The following SPON1 variants were observed in gnomAD, a reference collection of about 807,000 sequenced individuals.
SPON1 encodes the protein spondin-1.
A neutral mutation model predicts 111.7 loss-of-function variants in SPON1; 52 were observed. That is an observed-to-expected ratio of 0.47 (90% CI 0.37 to 0.59). The LOEUF is 0.59. Among genes scored for constraint, SPON1 ranks in the 20% least tolerant of loss-of-function variants. The pLI is 0.00. For missense variants in SPON1, 957 were observed against 1,068.5 expected, an observed-to-expected ratio of 0.90 and a Z score of 1.46; for synonymous variants, 410 against 395.8, an observed-to-expected ratio of 1.04 and a Z score of -0.43.
Position 14,230,595 on chromosome 11 carries a change from T to G in SPON1, c.826-12737T>G, listed in dbSNP as rs1298314213. 2.0e-5 allele frequency among the ~76,000 whole-genome samples: 3 copies of G among 152,212 alleles called. No individual in the cohort carries two copies. In the East Asian group the frequency reaches 5.8e-4, roughly 29 times the overall value. Reference sequence around the variant, plus strand: ...CCACCTTCCCAGCCGCTGCCTTGGCTTCAAGCCCATTGGGTCTAGAGGTCC... The same window carrying G: ...CCACCTTCCCAGCCGCTGCCTTGGCGTCAAGCCCATTGGGTCTAGAGGTCC... On this transcript the variant is annotated intron_variant, in intron 6 of 15. Coordinates refer to ENST00000576479, the MANE Select transcript of SPON1 (RefSeq NM_006108.4).
chr11:14,194,567 C>CACACA (rs150398912), intron 6 of SPON1, among the ~76,000 whole-genome samples: 1 of 139,306 alleles, frequency 7.2e-6, no homozygotes. Context: ...CACACACACA[C>CACACA]GGACTGCCTG....
At chr11:14,155,418 A>G (rs1847833469) in intron 6 of SPON1, among the ~76,000 whole-genome samples, 1 of 152,206 alleles carries the variant, frequency 6.6e-6, no homozygotes, top group South Asian at 2.1e-4. Context: ...CGGCAGGTGA[A>G]GGGGAAACTG....
intron 2 of SPON1, among the ~76,000 whole-genome samples, chr11:14,029,126 C>A (rs1591355770): frequency 2.6e-5 from 1 of 38,696 alleles, no homozygotes; most frequent in Admixed American, 2.0e-4. Flanking sequence ...GTGACCCCTA[C>A]ACACACACAC....
intron 6 of SPON1, among the ~76,000 whole-genome samples, chr11:14,178,903 T>C (rs1432129803): frequency 6.6e-6 from 1 of 152,228 alleles, no homozygotes; most frequent in Non-Finnish European, 1.5e-5. Flanking sequence ...ATTGAGACCG[T>C]GGCAGCCTGC....
At chr11:13,991,505 T>G (rs540246548) in intron 2 of SPON1, among the ~76,000 whole-genome samples, 5 of 152,342 alleles carry the variant, frequency 3.3e-5, no homozygotes, top group African/African-American at 1.2e-4. Context: ...TTAGCTTCCT[T>G]GCATTGGGTT....
chr11:14,118,615 G>C (rs1408502038), intron 5 of SPON1, among the ~76,000 whole-genome samples: 1 of 152,176 alleles, frequency 6.6e-6, no homozygotes, highest in African/African-American at 2.4e-5. Context: ...TGAAGTCTAT[G>C]AACACCAAGA....
At chr11:14,094,470 A>C (rs974564542) in intron 5 of SPON1, among the ~76,000 whole-genome samples, 3 of 152,124 alleles carry the variant, frequency 2.0e-5, no homozygotes, top group Non-Finnish European at 4.4e-5. Flanking sequence ...AATTTTAATT[A>C]AAATTTTATT....
chr11:14,025,076 G>T (rs1332132982), intron 2 of SPON1, among the ~76,000 whole-genome samples: 3 of 152,140 alleles, frequency 2.0e-5, no homozygotes, highest in Non-Finnish European at 2.9e-5. Flanking sequence ...GAGTTTTAAA[G>T]TAAGAGACTG....
chr11:14,140,621 C>T (rs1009756343), intron 6 of SPON1, among the ~76,000 whole-genome samples: 4 of 152,222 alleles, frequency 2.6e-5, no homozygotes, highest in Non-Finnish European at 4.4e-5. Flanking sequence ...TCTCGAAATC[C>T]TGACCTCAGG....
chr11:14,242,794 G>A (rs782735597), intron 6 of SPON1, among the ~76,000 whole-genome samples: 5 of 152,204 alleles, frequency 3.3e-5, no homozygotes, highest in African/African-American at 4.8e-5. Context: ...AGAACCTGAG[G>A]GGCACCACGG....
chr11:13,987,987 A>T lies in SPON1; in HGVS notation c.345+5034A>T, dbSNP rs191768978. Reference sequence around the variant, plus strand: ...GTATAGTTTGAAGTCAGGTAGCATGATGCCTCCAGCTTTGTTTTTCTTGCC... The same window carrying T: ...GTATAGTTTGAAGTCAGGTAGCATGTTGCCTCCAGCTTTGTTTTTCTTGCC... On this transcript the variant is annotated intron_variant, in intron 2 of 15. Coordinates refer to ENST00000576479, the MANE Select transcript of SPON1 (RefSeq NM_006108.4). Among the ~76,000 whole-genome samples, 9 of 152,304 alleles carry T rather than the reference A, an allele frequency of 5.9e-5. No homozygotes were observed. The East Asian group carries it at 1.7e-3, about 29-fold the overall frequency.
intron 6 of SPON1, among the ~76,000 whole-genome samples, chr11:14,221,506 A>G: frequency 6.6e-6 from 1 of 152,350 alleles, no homozygotes; most frequent in Non-Finnish European, 1.5e-5. Context: ...TTTTTAAAAC[A>G]TTATAATACA....
At position 14,156,576 on chromosome 11, in the gene SPON1, A is replaced by G. The variant is rs1242438771; in HGVS notation, c.825+21008A>G. 2.6e-5 allele frequency among the ~76,000 whole-genome samples: 4 copies of G among 151,804 alleles called. No individual in the cohort carries two copies. In the South Asian group the frequency reaches 8.4e-4, roughly 32 times the overall value. On this transcript the variant is annotated intron_variant, in intron 6 of 15. Coordinates refer to ENST00000576479, the MANE Select transcript of SPON1 (RefSeq NM_006108.4). Reference sequence around the variant, plus strand: ...AGACATGAAGTCCTTGCCCATGCCTATCTCCTGAATGGTATTGCCTAGGTT... The same window carrying G: ...AGACATGAAGTCCTTGCCCATGCCTGTCTCCTGAATGGTATTGCCTAGGTT...
At position 14,003,608 on chromosome 11, in the gene SPON1, GAC is replaced by G. The variant is rs572564235; in HGVS notation, c.345+20659_345+20660del. Among the ~76,000 whole-genome samples, 9 of 152,230 alleles carry G rather than the reference GAC, an allele frequency of 5.9e-5. No individual in the cohort carries two copies. In the South Asian group the frequency reaches 1.9e-3, roughly 32 times the overall value. On this transcript the variant is annotated intron_variant, in intron 2 of 15. Transcript: ENST00000576479. Reference sequence around the variant, plus strand: ...AAGGCACTCTGTGATTTTCTATCAAGACACAGAAAGAAAGCGGGAGAGCTGAA... The same window carrying G: ...AAGGCACTCTGTGATTTTCTATCAAGACAGAAAGAAAGCGGGAGAGCTGAA...
At chr11:14,227,593 T>C (rs1429478507) in intron 6 of SPON1, among the ~76,000 whole-genome samples, 1 of 152,222 alleles carries the variant, frequency 6.6e-6, no homozygotes, top group Non-Finnish European at 1.5e-5. Context: ...AGGTGCATTC[T>C]TTATTGTTCG....
chr11:14,025,676 G>A (rs1848512499), intron 2 of SPON1, among the ~76,000 whole-genome samples: 1 of 152,110 alleles, frequency 6.6e-6, no homozygotes, highest in South Asian at 2.1e-4. Flanking sequence ...GGTTTGGCAG[G>A]TGGAGGGTGC....
rs111811702 is a variant in SPON1 at position 14,179,083 on chromosome 11, A to G, written c.825+43515A>G. Among the ~76,000 whole-genome samples, 1,318 of 152,242 alleles carry G rather than the reference A, an allele frequency of 8.7e-3. 21 individuals carry two copies. The highest frequency in any genetic ancestry group is 0.029 in the African/African-American group (1,225 of 41,544). ...CAAAATTCAGGGTATGGTGGTCTCT[A>G]TTTGTACTGATCTCCTTTTTTCAGT... On this transcript the variant is annotated intron_variant, in intron 6 of 15. Transcript: ENST00000576479.
chr11:14,119,924 A>G (rs1203819690), intron 5 of SPON1, among the ~76,000 whole-genome samples: 1 of 152,200 alleles, frequency 6.6e-6, no homozygotes, highest in Non-Finnish European at 1.5e-5. Context: ...AAAATTTAAA[A>G]TTTATCTCCT....
chr11:14,015,308 A>G (rs1260839776), intron 2 of SPON1, among the ~76,000 whole-genome samples: 1 of 152,190 alleles, frequency 6.6e-6, no homozygotes, highest in African/African-American at 2.4e-5. Context: ...CTGCTTCCAA[A>G]TGGTGCCTTG....
Sources: gnomAD v4.1 joint callset for allele counts (sites outside exome capture counted in the v4.1 genomes callset) on GRCh38, gnomAD v4.1.1 for gene constraint, MANE v1.5 for transcripts, NCBI Gene and HGNC (gene_info 2026-07-23, HGNC 2026-07-21) for gene names.